The following OTOA variants were observed in gnomAD, a reference collection of about 807,000 sequenced individuals.
OTOA encodes otoancorin, also known as cancer/testis antigen 108.
In OTOA, 70 loss-of-function variants were observed where a neutral mutation model predicts 110.8. The observed-to-expected ratio is 0.63, with a 90% CI of 0.52 to 0.77. OTOA has a LOEUF of 0.77. Ranked by LOEUF, OTOA falls within the 30% of genes least tolerant of loss-of-function variation. The pLI is 0.00. For synonymous variants in OTOA, 373 were observed against 431.5 expected (o/e 0.86, Z 1.68); for missense variants, 917 against 1,075.8 (o/e 0.85, Z 2.06).
At chr16:21,724,278 A>G (rs1898846929) in intron 18 of OTOA, among the ~76,000 whole-genome samples, 1 of 152,152 alleles carries the variant, frequency 6.6e-6, no homozygotes. Flanking sequence ...AGAGGAGGGA[A>G]TATCACCCAT....
chr16:21,687,919 C>T (rs1206312716), intron 8 of OTOA, among the ~76,000 whole-genome samples: 1 of 152,034 alleles, frequency 6.6e-6, no homozygotes, highest in Non-Finnish European at 1.5e-5. Context: ...CTGCCTTGGC[C>T]TCCCAAAGTG....
chr16:21,670,822 T>A (rs1251061228), intron 1 of OTOA, among the ~76,000 whole-genome samples: 1 of 152,206 alleles, frequency 6.6e-6, no homozygotes, highest in African/African-American at 2.4e-5. Context: ...CAGGGAAGGC[T>A]TCATTGAAGA....
At chr16:21,672,928 G>A (rs1038782874) in intron 1 of OTOA, among the ~76,000 whole-genome samples, 1 of 152,090 alleles carries the variant, frequency 6.6e-6, no homozygotes, top group Non-Finnish European at 1.5e-5. Context: ...TGGGAGGATT[G>A]CTTGAGGCCA....
intron 15 of OTOA, among the ~76,000 whole-genome samples, chr16:21,717,368 G>A (rs1474234783): frequency 1.3e-5 from 2 of 152,076 alleles, no homozygotes; most frequent in African/African-American, 4.8e-5. Context: ...ATGAGCATGG[G>A]AGTTCCGCAA....
Position 21,681,794 on chromosome 16 carries a change from G to A in OTOA, c.236G>A (p.Arg79Gln), listed in dbSNP as rs147088274. ...AGAGTCCTGGCCTATCTGAATTCCC[G>A]GAATGTTGCCTTCACCATCCCCAGC... The part of the protein sequence containing the change: ...SHRVLAYLNS[R>Q]NVAFTIPSLQ... The change falls in exon 6 of 29, where the codon CGG becomes CAG. Residue 79 changes from arginine (R) to glutamine (Q), a missense_variant. By Grantham distance (43) the Arg-to-Gln change is conservative. Transcript: ENST00000646100. 1.6e-4 allele frequency: 260 copies of A among 1,613,964 alleles called. No homozygotes were observed. The African/African-American group carries it at 3.1e-3, about 19-fold the overall frequency.
intron 1 of OTOA, among the ~76,000 whole-genome samples, chr16:21,676,195 A>G (rs1966857329): frequency 6.6e-6 from 1 of 152,206 alleles, no homozygotes; most frequent in Non-Finnish European, 1.5e-5. Flanking sequence ...CTGGGATTAT[A>G]GGCATGAGCC....
rs1440559962 is a variant in OTOA, at chr16:21,705,119, G to T, written c.981-50G>T. ...ATTACACAAAATTGAACCAGAATGG[G>T]CTGGTTCTGCGGTTACACCTCCACC... is the stretch of plus-strand genomic sequence containing the variant. On this transcript the variant is annotated intron_variant, in intron 11 of 28. Coordinates refer to ENST00000646100, the MANE Select transcript of OTOA (RefSeq NM_144672.4). 8 of 1,613,770 alleles carry T rather than the reference G, an allele frequency of 5.0e-6. No individual in the cohort carries two copies. In the Admixed American group the frequency reaches 8.3e-5, roughly 17 times the overall value.
chr16:21,728,077 C>G (rs998766681), intron 19 of OTOA, among the ~76,000 whole-genome samples, 164 bp from the exon 20 acceptor site: 1 of 152,032 alleles, frequency 6.6e-6, no homozygotes, highest in Admixed American at 6.6e-5. Flanking sequence ...GTTGGCCAGG[C>G]TGATTTCGAA....
rs57498010 is a variant in OTOA, at chr16:21,675,307, ATTTTTTTTTTTT to A, written c.-4-3185_-4-3174del. 5.9e-4 allele frequency among the ~76,000 whole-genome samples: 22 copies of A among 37,154 alleles called. 1 individual carries two copies. Among genetic ancestry groups the A allele is most frequent in the East Asian group, 1.6e-3 (2 of 1,264 alleles). The allele number at this position is 37,154 out of a possible 152,430, so 24.4% of individuals were successfully genotyped here. On this transcript the variant is annotated intron_variant, in intron 1 of 28. Transcript: ENST00000646100. ...GGGATTACAGCCACCACACCTGGCT[ATTTTTTTTTTTT>A]TTTTTTTTTTTTTTTTTTATAGAGA...
intron 21 of OTOA, among the ~76,000 whole-genome samples, chr16:21,733,898 C>T (rs963185692): frequency 4.6e-5 from 7 of 152,308 alleles, no homozygotes; most frequent in African/African-American, 1.4e-4. Flanking sequence ...CTCCTGGGTT[C>T]AAGTGATTCT....
intron 14 of OTOA, among the ~76,000 whole-genome samples, chr16:21,716,367 T>C (rs1898553761): frequency 6.6e-6 from 1 of 152,072 alleles, no homozygotes; most frequent in African/African-American, 2.4e-5. Context: ...GTTAGGAGAT[T>C]GAGACCAGCC....
chr16:21,669,834 T>C (rs1966846722), intron 1 of OTOA, among the ~76,000 whole-genome samples: 2 of 152,072 alleles, frequency 1.3e-5, no homozygotes, highest in Admixed American at 6.6e-5. Context: ...CCAGTTAAAA[T>C]AAAAGTCAGG....
At chr16:21,707,613 C>CTT (rs1375922796) in intron 12 of OTOA, among the ~76,000 whole-genome samples, 1 of 85,740 alleles carries the variant, frequency 1.2e-5, no homozygotes, top group East Asian at 3.2e-4. Flanking sequence ...TTCTTTCTTT[C>CTT]TTTCTTTCTT....
intron 1 of OTOA, among the ~76,000 whole-genome samples, chr16:21,678,267 A>C (rs1567362567): frequency 6.6e-6 from 1 of 152,054 alleles, no homozygotes. Flanking sequence ...CATTGTAGTC[A>C]CCAAGGAGAG....
At chr16:21,716,771 A>G in intron 14 of OTOA, 136 bp from the exon 15 acceptor site, 1 of 968,296 alleles carries the variant, frequency 1.0e-6, no homozygotes. Context: ...TGAAATGGGG[A>G]TGATGCTACT....
At chr16:21,673,229 G>C (rs1442834204) in intron 1 of OTOA, among the ~76,000 whole-genome samples, 4 of 152,122 alleles carry the variant, frequency 2.6e-5, no homozygotes, top group Non-Finnish European at 4.4e-5. Flanking sequence ...TCTTCACCCA[G>C]TTTCCCCCAT....
intron 1 of OTOA, among the ~76,000 whole-genome samples, chr16:21,671,586 C>CAAAAAAAAA (rs369010025): frequency 1.3e-5 from 1 of 78,486 alleles, no homozygotes; most frequent in Non-Finnish European, 2.6e-5. Flanking sequence ...GACTCCATAT[C>CAAAAAAAAA]AAAAAAAAAA....
intron 23 of OTOA, among the ~76,000 whole-genome samples, chr16:21,744,404 C>T (rs1899590143): frequency 6.7e-6 from 1 of 148,740 alleles, no homozygotes; most frequent in African/African-American, 2.4e-5. Flanking sequence ...GCCTTGGCCT[C>T]CAAAAATGCT....
At chr16:21,684,411 G>A (rs955978873) in intron 6 of OTOA, 63 of 1,505,908 alleles carry the variant, frequency 4.2e-5, no homozygotes, top group Admixed American at 2.0e-5. Context: ...TGTAGGGGGC[G>A]CCACAGAGTA....
Sources: gnomAD v4.1 joint callset for allele counts (sites outside exome capture counted in the v4.1 genomes callset) on GRCh38, gnomAD v4.1.1 for gene constraint, MANE v1.5 for transcripts, NCBI Gene and HGNC (gene_info 2026-07-23, HGNC 2026-07-21) for gene names.